Variants in AGBL4 observed in about 807,000 individuals in gnomAD.
The protein encoded by AGBL4 is AGBL carboxypeptidase 4, also known as cytosolic carboxypeptidase 6.
In AGBL4, 58 loss-of-function variants were observed where a neutral mutation model predicts 66.4. The observed-to-expected ratio is 0.87, with a 90% CI of 0.71 to 1.09. The LOEUF is 1.09. Among genes scored for constraint, AGBL4 ranks in the 50% least tolerant of loss-of-function variants. The pLI is 0.00. For missense variants in AGBL4, 579 were observed against 631.0 expected, an observed-to-expected ratio of 0.92 and a Z score of 0.88; for synonymous variants, 234 against 222.9, an observed-to-expected ratio of 1.05 and a Z score of -0.44.
At chr1:49,733,379 TG>T (rs1649606082) in intron 2 of AGBL4, among the ~76,000 whole-genome samples, 2 of 152,342 alleles carry the variant, frequency 1.3e-5, no homozygotes, top group South Asian at 4.1e-4. Flanking sequence ...TGGGTAAAGA[TG>T]TTTTTCTCAT....
At chr1:49,234,011 A>C (rs1312325926) in intron 4 of AGBL4, among the ~76,000 whole-genome samples, 1 of 152,200 alleles carries the variant, frequency 6.6e-6, no homozygotes, top group South Asian at 2.1e-4. Flanking sequence ...GCTGGCTAGA[A>C]TAGAGATGAT....
At chr1:48,653,176 G>A (rs77945993) in intron 8 of AGBL4, among the ~76,000 whole-genome samples, 161 bp downstream of exon 8, 4,820 of 152,218 alleles carry the variant, frequency 0.032, 263 homozygotes, top group African/African-American at 0.11. Context: ...AAAAGCCAAA[G>A]CTAATTAAAG....
chr1:49,447,205 T>G (rs928661100), intron 3 of AGBL4, among the ~76,000 whole-genome samples: 2 of 152,224 alleles, frequency 1.3e-5, no homozygotes, highest in African/African-American at 4.8e-5. Flanking sequence ...GTACAAAGTT[T>G]GTGCCACTGC....
intron 6 of AGBL4, among the ~76,000 whole-genome samples, chr1:48,833,753 A>C (rs1646612276): frequency 6.6e-6 from 1 of 152,214 alleles, no homozygotes; most frequent in Non-Finnish European, 1.5e-5. Flanking sequence ...TCAGGACAGA[A>C]TGAAGCATGG....
chr1:49,404,316 A>C (rs1380316176), intron 3 of AGBL4, among the ~76,000 whole-genome samples: 1 of 152,190 alleles, frequency 6.6e-6, no homozygotes, highest in African/African-American at 2.4e-5. Context: ...ACCACATGAG[A>C]ACATAGGAAG....
At chr1:49,345,268 A>C (rs776417954) in intron 3 of AGBL4, among the ~76,000 whole-genome samples, 1 of 152,174 alleles carries the variant, frequency 6.6e-6, no homozygotes, top group Non-Finnish European at 1.5e-5. Flanking sequence ...AGCAACAATT[A>C]TAATTGTTAC....
chr1:48,963,478 A>T (rs1658169939), intron 5 of AGBL4, among the ~76,000 whole-genome samples: 1 of 152,072 alleles, frequency 6.6e-6, no homozygotes, highest in Admixed American at 6.5e-5. Flanking sequence ...CGTCAATGAC[A>T]ACTTAAAATG....
At chr1:49,803,504 A>G (rs1392851678) in intron 2 of AGBL4, among the ~76,000 whole-genome samples, 1 of 152,186 alleles carries the variant, frequency 6.6e-6, no homozygotes, top group East Asian at 1.9e-4. Flanking sequence ...ACATTTAATG[A>G]ATGCATTGTT....
intron 4 of AGBL4, among the ~76,000 whole-genome samples, chr1:49,180,463 G>A (rs1646911043): frequency 6.6e-6 from 1 of 152,170 alleles, no homozygotes. Context: ...TTTACAGATG[G>A]GAAGAGTGAG....
chr1:49,736,725 C>G lies in AGBL4; in HGVS notation c.158-39288G>C, dbSNP rs376966231. ...CAAAATAAACTATCAACAGAGCAAACAGACAACCTATAGAATGGGAGAAGA... is the reference window on the plus strand; with the variant it reads ...CAAAATAAACTATCAACAGAGCAAAGAGACAACCTATAGAATGGGAGAAGA... On this transcript the variant is annotated intron_variant, in intron 2 of 13. Coordinates refer to ENST00000371839, the MANE Select transcript of AGBL4 (RefSeq NM_032785.4). Among the ~76,000 whole-genome samples, 38 of 151,982 alleles carry G rather than the reference C, an allele frequency of 2.5e-4. 1 individual carries two copies. Among genetic ancestry groups the G allele is most frequent in the African/African-American group, 9.2e-4 (38 of 41,472 alleles).
intron 1 of AGBL4, among the ~76,000 whole-genome samples, chr1:49,932,146 A>G (rs76544938): frequency 2.0e-5 from 3 of 152,316 alleles, no homozygotes; most frequent in East Asian, 3.9e-4. Context: ...TACTGGCATC[A>G]AGATAGGAAA....
At chr1:49,603,973 CA>C (rs1645017505) in intron 3 of AGBL4, among the ~76,000 whole-genome samples, 3 of 137,224 alleles carry the variant, frequency 2.2e-5, no homozygotes, top group African/African-American at 9.3e-5. Flanking sequence ...CACACACACA[CA>C]CACACACCAC....
In AGBL4 at chr1:48,956,653, C is replaced by T. The variant is rs138073092; in HGVS notation, c.594+88931G>A. On this transcript the variant is annotated intron_variant, in intron 5 of 13. Coordinates refer to ENST00000371839, the MANE Select transcript of AGBL4 (RefSeq NM_032785.4). ...AGATTGAGAGATTCATTCAGTCATT[C>T]AAAAAACATTTACTAATACTTACTC... 2.6e-5 allele frequency among the ~76,000 whole-genome samples: 4 copies of T among 152,202 alleles called. No homozygotes were observed. The East Asian group carries it at 7.7e-4, about 29-fold the overall frequency.
At chr1:49,054,902 A>G (rs1415887446) in intron 4 of AGBL4, among the ~76,000 whole-genome samples, 1 of 151,944 alleles carries the variant, frequency 6.6e-6, no homozygotes, top group African/African-American at 2.4e-5. Flanking sequence ...TCAATTGGCA[A>G]TCTTTAATCA....
intron 5 of AGBL4, among the ~76,000 whole-genome samples, chr1:48,929,388 TTC>T (rs976488392): frequency 6.6e-6 from 1 of 152,178 alleles, no homozygotes. Flanking sequence ...GTTCCCATTG[TTC>T]TCTTTCCTGG....
At chr1:49,736,040 G>A (rs1464194299) in intron 2 of AGBL4, among the ~76,000 whole-genome samples, 2 of 151,984 alleles carry the variant, frequency 1.3e-5, no homozygotes, top group African/African-American at 2.4e-5. Flanking sequence ...AGAAATCTTT[G>A]GGAAACCATC....
At chr1:48,626,596 T>C (rs762325244) in intron 9 of AGBL4, among the ~76,000 whole-genome samples, 2 of 152,208 alleles carry the variant, frequency 1.3e-5, no homozygotes, top group Non-Finnish European at 2.9e-5. Flanking sequence ...TGGAGACCAA[T>C]CTTCAACCTC....
chr1:48,811,156 C>A (rs1289406742), intron 6 of AGBL4, among the ~76,000 whole-genome samples: 1 of 118,978 alleles, frequency 8.4e-6, no homozygotes, highest in Non-Finnish European at 1.6e-5. Context: ...TGATTCTCAG[C>A]AGATTGGGAG....
In AGBL4 at chr1:49,454,258, G is replaced by A. The variant is rs534035890; in HGVS notation, c.283-208394C>T. 1.9e-4 allele frequency among the ~76,000 whole-genome samples: 29 copies of A among 151,856 alleles called. 1 individual carries two copies. The South Asian group carries it at 5.8e-3, about 30-fold the overall frequency. ...AACAGAAACAAAATAAACTCCTGGAGAAGTTGTTCAATTGCACAGATACTA... is the reference window on the plus strand; with the variant it reads ...AACAGAAACAAAATAAACTCCTGGAAAAGTTGTTCAATTGCACAGATACTA... On this transcript the variant is annotated intron_variant, in intron 3 of 13. Transcript: ENST00000371839.
Sources: allele counts gnomAD v4.1 joint callset (sites outside exome capture counted in the v4.1 genomes callset), GRCh38; gene constraint gnomAD v4.1.1; transcripts MANE v1.5; gene names NCBI Gene and HGNC (gene_info 2026-07-23, HGNC 2026-07-21).